Variants in PAPSS2 observed in about 807,000 individuals in gnomAD.
PAPSS2 encodes 3'-phosphoadenosine 5'-phosphosulfate synthase 2.
A neutral mutation model predicts 66.5 loss-of-function variants in PAPSS2; 61 were observed. That is an observed-to-expected ratio of 0.92 (90% CI 0.75 to 1.14). The LOEUF is 1.14. Ranked by LOEUF, PAPSS2 falls within the 50% of genes most tolerant of loss-of-function variation. The pLI is 0.00. For missense variants in PAPSS2, 708 were observed against 789.6 expected (o/e 0.90, Z 1.24); for synonymous variants, 289 against 287.5 (o/e 1.01, Z -0.05).
intron 6 of PAPSS2, 54 bp from the exon 7 acceptor site, chr10:87,715,678 A>T: frequency 8.8e-7 from 1 of 1,138,504 alleles, no homozygotes; most frequent in Non-Finnish European, 1.3e-6. Context: ...CTGGGGCCAG[A>T]TGCCTGGAAA....
intron 1 of PAPSS2, among the ~76,000 whole-genome samples, chr10:87,707,230 T>G (rs967674309): frequency 6.6e-6 from 1 of 152,196 alleles, no homozygotes; most frequent in Non-Finnish European, 1.5e-5. Context: ...CTCTAAGGAA[T>G]TCAATAATTC....
intron 9 of PAPSS2, among the ~76,000 whole-genome samples, chr10:87,734,755 G>A (rs1853776919): frequency 7.4e-6 from 1 of 135,068 alleles, no homozygotes; most frequent in Non-Finnish European, 1.6e-5. Context: ...CTTTGATTCT[G>A]TTCTCTGCAC....
At chr10:87,740,467 T>C (rs1369522594) in intron 9 of PAPSS2, among the ~76,000 whole-genome samples, 1 of 152,232 alleles carries the variant, frequency 6.6e-6, no homozygotes, top group African/African-American at 2.4e-5. Context: ...CACAGTGAAC[T>C]AATAGTTTCT....
intron 1 of PAPSS2, among the ~76,000 whole-genome samples, chr10:87,674,021 T>A (rs986762035): frequency 5.9e-5 from 9 of 152,166 alleles, no homozygotes; most frequent in Non-Finnish European, 1.3e-4. Flanking sequence ...GTCCATGAAG[T>A]GCTCATTGAG....
chr10:87,684,546 A>G (rs1168178257), intron 1 of PAPSS2, among the ~76,000 whole-genome samples: 2 of 152,192 alleles, frequency 1.3e-5, no homozygotes, highest in Non-Finnish European at 2.9e-5. Context: ...TTTGTGTTTT[A>G]AATACGTGGA....
intron 1 of PAPSS2, among the ~76,000 whole-genome samples, chr10:87,699,812 T>TAAAAA (rs11378998): frequency 2.2e-5 from 3 of 135,698 alleles, no homozygotes; most frequent in African/African-American, 5.4e-5. Context: ...ATCATGCCAC[T>TAAAAA]AAAAAAAAAA....
rs527560078 is a variant in PAPSS2, at chr10:87,742,755, G to C, written c.1223-618G>C. 5.3e-5 allele frequency among the ~76,000 whole-genome samples: 8 copies of C among 152,272 alleles called. No homozygotes were observed. In the South Asian group the frequency reaches 1.5e-3, roughly 28 times the overall value. ...CCCTCTAGGCTTCCTGGTACAAGAGGACTAATTAACACTGGCCCTGCCTGA... is the reference window on the plus strand; with the variant it reads ...CCCTCTAGGCTTCCTGGTACAAGAGCACTAATTAACACTGGCCCTGCCTGA... On this transcript the variant is annotated intron_variant, in intron 10 of 12. Transcript: ENST00000456849.
At chr10:87,666,792 C>T (rs940633017) in intron 1 of PAPSS2, among the ~76,000 whole-genome samples, 2 of 152,064 alleles carry the variant, frequency 1.3e-5, no homozygotes, top group Non-Finnish European at 2.9e-5. Context: ...GACATGTCCC[C>T]ACTACTCCCA....
intron 10 of PAPSS2, 76 bp from the exon 11 acceptor site, chr10:87,743,297 T>C (rs1853893345): frequency 1.4e-6 from 2 of 1,416,786 alleles, no homozygotes; most frequent in Non-Finnish European, 2.0e-6. Context: ...TAAACATAGC[T>C]GTGTCCTTTC....
Position 87,745,931 on chromosome 10 carries a change from G to A in PAPSS2, c.1821G>A (p.Lys607=). Residue 607 remains lysine (K), a synonymous_variant, in exon 13 of 13, where the codon AAG becomes AAA. Transcript: ENST00000456849. The stretch of plus-strand genomic sequence containing the variant: ...GCTTCATGGCCCCCAAAGCATGGAA[G>A]GTCCTGACAGATTATTACAGGTCCC... ...PDGFMAPKAW[K]VLTDYYRSLE... 1 of 1,614,040 alleles carries A rather than the reference G, an allele frequency of 6.2e-7. No homozygotes were observed. The highest frequency in any genetic ancestry group is 1.1e-5 in the South Asian group (1 of 91,074).
intron 1 of PAPSS2, among the ~76,000 whole-genome samples, chr10:87,699,112 T>C (rs1487339307): frequency 1.3e-5 from 2 of 152,210 alleles, no homozygotes; most frequent in Non-Finnish European, 2.9e-5. Context: ...CCAAAAGCTG[T>C]TATACCTTCA....
intron 8 of PAPSS2, among the ~76,000 whole-genome samples, chr10:87,723,619 G>T (rs1055416301): frequency 6.6e-6 from 1 of 152,080 alleles, no homozygotes; most frequent in East Asian, 1.9e-4. Context: ...GTTTATAAAG[G>T]GTCTCAAAGT....
intron 1 of PAPSS2, among the ~76,000 whole-genome samples, chr10:87,699,070 C>T (rs1853269956): frequency 6.6e-6 from 1 of 152,156 alleles, no homozygotes; most frequent in Non-Finnish European, 1.5e-5. Flanking sequence ...GGGCAGCTTT[C>T]TCTGAGAGGT....
chr10:87,672,180 A>G (rs1399545436), intron 1 of PAPSS2, among the ~76,000 whole-genome samples: 1 of 152,166 alleles, frequency 6.6e-6, no homozygotes, highest in Non-Finnish European at 1.5e-5. Flanking sequence ...AGTAGAGACC[A>G]CTTGAGTTTG....
At chr10:87,728,580 A>G (rs1045765602) in intron 9 of PAPSS2, among the ~76,000 whole-genome samples, 2 of 152,190 alleles carry the variant, frequency 1.3e-5, no homozygotes, top group African/African-American at 4.8e-5. Context: ...TCTCTACTAA[A>G]AATACAGATA....
intron 7 of PAPSS2, among the ~76,000 whole-genome samples, chr10:87,716,216 G>A (rs1589435675): frequency 6.6e-6 from 1 of 152,260 alleles, no homozygotes; most frequent in East Asian, 1.9e-4. Context: ...ACATGTTGCT[G>A]ACCTCCATGG....
chr10:87,662,627 G>A (rs1589415562), intron 1 of PAPSS2, among the ~76,000 whole-genome samples: 1 of 147,200 alleles, frequency 6.8e-6, no homozygotes, highest in Non-Finnish European at 1.5e-5. Flanking sequence ...CTAGGGGACT[G>A]GAAAGAAGGG....
chr10:87,734,703 A>ATATATG lies in PAPSS2; in HGVS notation c.1087-6529_1087-6528insATGTAT, dbSNP rs574455849. Among the ~76,000 whole-genome samples, 696 of 111,010 alleles carry ATATATG rather than the reference A, an allele frequency of 6.3e-3. 9 individuals carry two copies. Among genetic ancestry groups the ATATATG allele is most frequent in the African/African-American group, 0.025 (566 of 22,456 alleles). 72.8% of individuals were successfully genotyped at this position (111,010 alleles called of 152,430 possible). A position where few individuals can be genotyped will look rare whatever the true frequency, so the allele number is the denominator to read the frequency against. ...TATATATATATATATATATATATAT[A>ATATATG]TATGTATGTATTCTCCTCTTGTAGG... On this transcript the variant is annotated intron_variant, in intron 9 of 12. Coordinates refer to ENST00000456849, the MANE Select transcript of PAPSS2 (RefSeq NM_001015880.2).
intron 1 of PAPSS2, chr10:87,703,944 C>T (rs1199298813): frequency 2.0e-6 from 1 of 496,340 alleles, no homozygotes; most frequent in Non-Finnish European, 4.0e-6. Context: ...GTTTTGCTTT[C>T]TATAGAGAGA....
Sources: gnomAD v4.1 joint callset for allele counts (sites outside exome capture counted in the v4.1 genomes callset) on GRCh38, gnomAD v4.1.1 for gene constraint, MANE v1.5 for transcripts, NCBI Gene and HGNC (gene_info 2026-07-23, HGNC 2026-07-21) for gene names.